The following TTC7B variants were observed in gnomAD, a reference collection of about 807,000 sequenced individuals.
The protein encoded by TTC7B is tetratricopeptide repeat domain 7B, also known as tetratricopeptide repeat protein 7B.
A neutral mutation model predicts 106.8 loss-of-function variants in TTC7B; 28 were observed. The ratio of observed to expected loss-of-function variants is 0.26; its 90% CI spans 0.19 to 0.36. The LOEUF is 0.36. Ranked by LOEUF, TTC7B falls within the 10% of genes least tolerant of loss-of-function variation. The pLI, the probability that TTC7B is intolerant of heterozygous loss-of-function variation, is 1.00. For synonymous variants in TTC7B, 405 were observed against 430.6 expected, an observed-to-expected ratio of 0.94 and a Z score of 0.74; for missense variants, 862 against 1,076.4, an observed-to-expected ratio of 0.80 and a Z score of 2.79.
intron 5 of TTC7B, among the ~76,000 whole-genome samples, chr14:90,701,798 AT>A (rs1888002553): frequency 2.5e-5 from 1 of 40,464 alleles, no homozygotes; most frequent in Admixed American, 2.8e-4. Flanking sequence ...GTGTGTGTGT[AT>A]ATATATATAT....
At chr14:90,563,732 C>T (rs1358499768) in intron 19 of TTC7B, among the ~76,000 whole-genome samples, 1 of 152,238 alleles carries the variant, frequency 6.6e-6, no homozygotes, top group Non-Finnish European at 1.5e-5. Flanking sequence ...TCTAACCCTG[C>T]TGCTGCATTA....
intron 16 of TTC7B, among the ~76,000 whole-genome samples, chr14:90,613,084 C>T (rs1238171905): frequency 2.0e-5 from 3 of 152,200 alleles, no homozygotes; most frequent in African/African-American, 4.8e-5. Flanking sequence ...TTTGTTTCCA[C>T]ATTCAATGTT....
At chr14:90,628,382 C>T (rs566346208) in intron 15 of TTC7B, among the ~76,000 whole-genome samples, 2 of 152,324 alleles carry the variant, frequency 1.3e-5, no homozygotes, top group South Asian at 2.1e-4. Flanking sequence ...GAGGATCTCT[C>T]GGTCTTTATT....
chr14:90,591,183 A>G (rs764684154), intron 18 of TTC7B, among the ~76,000 whole-genome samples: 3 of 152,142 alleles, frequency 2.0e-5, no homozygotes, highest in African/African-American at 7.2e-5. Context: ...TCTTCTAAAA[A>G]TACAAAAATC....
chr14:90,772,465 G>C (rs776272756), intron 3 of TTC7B, among the ~76,000 whole-genome samples: 1 of 152,116 alleles, frequency 6.6e-6, no homozygotes, highest in Admixed American at 6.5e-5. Context: ...TAGTGAAGTA[G>C]AAAAAGCAGG....
At chr14:90,701,800 A>G (rs397717722) in intron 5 of TTC7B, among the ~76,000 whole-genome samples, 400 of 127,952 alleles carry the variant, frequency 3.1e-3, no homozygotes, top group Middle Eastern at 7.9e-3. Flanking sequence ...GTGTGTGTAT[A>G]TATATATATA....
intron 11 of TTC7B, 128 bp from the exon 12 acceptor site, chr14:90,655,238 T>A (rs1470774274): frequency 2.7e-5 from 19 of 699,116 alleles, no homozygotes; most frequent in East Asian, 7.8e-5. Context: ...AATCTCCCAA[T>A]CCCACTCTGG....
intron 19 of TTC7B, among the ~76,000 whole-genome samples, chr14:90,558,754 G>T (rs1037220857): frequency 6.6e-6 from 1 of 152,198 alleles, no homozygotes. Context: ...GTGCATTAGC[G>T]CCGACAAACA....
chr14:90,625,404 C>T (rs560452699), intron 15 of TTC7B, among the ~76,000 whole-genome samples: 1 of 152,302 alleles, frequency 6.6e-6, no homozygotes, highest in African/African-American at 2.4e-5. Flanking sequence ...AAACTGATCG[C>T]AATTCATTTT....
intron 1 of TTC7B, among the ~76,000 whole-genome samples, chr14:90,801,932 G>A (rs111578564): frequency 0.041 from 6,282 of 152,082 alleles, 174 homozygotes; most frequent in Non-Finnish European, 0.058. Flanking sequence ...ATGGTGGTGG[G>A]TGCCTGTAAT....
intron 1 of TTC7B, among the ~76,000 whole-genome samples, chr14:90,787,352 T>C (rs1891428321): frequency 1.3e-5 from 2 of 152,212 alleles, no homozygotes; most frequent in South Asian, 4.1e-4. Flanking sequence ...GAACAACTCA[T>C]ACACCAGCCT....
At chr14:90,655,160 C>T (rs748596754) in intron 11 of TTC7B, 50 bp from the exon 12 acceptor site, 7 of 1,408,820 alleles carry the variant, frequency 5.0e-6, no homozygotes, top group Non-Finnish European at 7.0e-6. Context: ...GAATTTCTAA[C>T]ATGAGTTCCC....
chr14:90,725,665 T>C (rs1268445265), intron 5 of TTC7B, among the ~76,000 whole-genome samples: 1 of 152,202 alleles, frequency 6.6e-6, no homozygotes, highest in Non-Finnish European at 1.5e-5. Context: ...TCCTGCTTTC[T>C]GAGTCAAGGC....
intron 5 of TTC7B, among the ~76,000 whole-genome samples, chr14:90,716,431 C>T (rs12434698): frequency 0.14 from 20,750 of 152,152 alleles, 1,726 homozygotes; most frequent in Middle Eastern, 0.21. Flanking sequence ...CAGAAGATTT[C>T]GAAGTGTGGC....
chr14:90,702,601 A>C (rs1225776137), intron 5 of TTC7B, among the ~76,000 whole-genome samples: 1 of 152,002 alleles, frequency 6.6e-6, no homozygotes. Context: ...AATCTGCTTT[A>C]CTTCTTTGAA....
intron 4 of TTC7B, 60 bp from the exon 5 acceptor site, chr14:90,730,256 A>C: frequency 6.4e-7 from 1 of 1,556,188 alleles, no homozygotes; most frequent in Non-Finnish European, 8.6e-7. Flanking sequence ...CTTCCTTCAA[A>C]CCCTATCTCT....
intron 17 of TTC7B, 86 bp downstream of exon 17, chr14:90,610,656 C>T (rs1595203954): frequency 1.0e-5 from 10 of 971,930 alleles, no homozygotes; most frequent in Non-Finnish European, 1.7e-5. Flanking sequence ...AACCCCAACC[C>T]GATCAGTCTC....
At chr14:90,591,911 A>C (rs1445282454) in intron 18 of TTC7B, among the ~76,000 whole-genome samples, 1 of 152,224 alleles carries the variant, frequency 6.6e-6, no homozygotes, top group East Asian at 1.9e-4. Flanking sequence ...GGACCTCTCT[A>C]AGCAAGAGGC....
chr14:90,813,742 T>C (rs992348239), intron 1 of TTC7B, among the ~76,000 whole-genome samples: 22 of 151,544 alleles, frequency 1.5e-4, no homozygotes, highest in Non-Finnish European at 2.4e-4. Flanking sequence ...TGACATTCAC[T>C]TGCTTTCCTT....
Sources: allele counts gnomAD v4.1 joint callset (sites outside exome capture counted in the v4.1 genomes callset), GRCh38; gene constraint gnomAD v4.1.1; transcripts MANE v1.5; gene names NCBI Gene and HGNC (gene_info 2026-07-23, HGNC 2026-07-21).